SHISA9: variants seen among roughly 807,000 people sequenced by gnomAD.
SHISA9 encodes the protein shisa family member 9, also known as protein shisa-9.
A neutral mutation model predicts 38.0 loss-of-function variants in SHISA9; 13 were observed. The ratio of observed to expected loss-of-function variants is 0.34; its 90% CI spans 0.22 to 0.54. The LOEUF (loss-of-function observed/expected upper bound fraction) is 0.54. Ranked by LOEUF, SHISA9 falls within the 20% of genes least tolerant of loss-of-function variation. The pLI, the probability that SHISA9 is intolerant of heterozygous loss-of-function variation, is 0.91. For missense variants in SHISA9, 538 were observed against 575.8 expected, an observed-to-expected ratio of 0.93 and a Z score of 0.67; for synonymous variants, 275 against 242.0, an observed-to-expected ratio of 1.14 and a Z score of -1.27.
chr16:13,267,526 C>A, the SHISA9 span, among the ~76,000 whole-genome samples: 1 of 152,126 alleles, frequency 6.6e-6, no homozygotes, highest in Admixed American at 6.5e-5. Flanking sequence ...CTTCTTAATT[C>A]AACAATTCTA....
chr16:13,008,924 C>A (rs933702973), intron 2 of SHISA9, among the ~76,000 whole-genome samples: 1 of 151,806 alleles, frequency 6.6e-6, no homozygotes, highest in African/African-American at 2.4e-5. Context: ...ATAAATTATC[C>A]ATAAAACAGT....
chr16:13,217,841 C>G, intron 4 of SHISA9, among the ~76,000 whole-genome samples: 1 of 152,146 alleles, frequency 6.6e-6, no homozygotes. Flanking sequence ...ACCATCCTGG[C>G]TAACATGGAG....
chr16:12,954,777 T>A (rs1323568037), intron 2 of SHISA9, among the ~76,000 whole-genome samples: 1 of 152,210 alleles, frequency 6.6e-6, no homozygotes, highest in Admixed American at 6.5e-5. Context: ...TACACAGCCA[T>A]TAACCAGTGA....
rs185655845 is a variant in SHISA9 at position 13,144,020 on chromosome 16, G to A, written c.692-59374G>A. The stretch of plus-strand genomic sequence containing the variant: ...CAGTTGGTTAAATAGGGTACCATAT[G>A]TTTGGGAGGGGCATGGTCAATGTCT... On this transcript the variant is annotated intron_variant, in intron 2 of 4. Transcript: ENST00000558583. 2.4e-3 allele frequency among the ~76,000 whole-genome samples: 365 copies of A among 152,252 alleles called. 3 individuals are homozygous for A. Among genetic ancestry groups the A allele is most frequent in the Admixed American group, 0.021 (325 of 15,288 alleles).
At chr16:13,483,157 CAG>C in the SHISA9 span, among the ~76,000 whole-genome samples, 1 of 152,148 alleles carries the variant, frequency 6.6e-6, no homozygotes, top group Non-Finnish European at 1.5e-5. Flanking sequence ...GTGCCTGATA[CAG>C]GCTTGCAGAT....
At chr16:12,920,604 T>G (rs1596529814) in intron 2 of SHISA9, among the ~76,000 whole-genome samples, 1 of 152,184 alleles carries the variant, frequency 6.6e-6, no homozygotes, top group Admixed American at 6.5e-5. Flanking sequence ...AAACATCTCA[T>G]GTACCCTACA....
At chr16:13,122,298 T>C (rs1053004597) in intron 2 of SHISA9, among the ~76,000 whole-genome samples, 6 of 152,162 alleles carry the variant, frequency 3.9e-5, no homozygotes, top group East Asian at 1.9e-4. Context: ...TCTTCTGATA[T>C]CCCTTTAGGA....
chr16:13,150,030 TAA>T (rs35012437), intron 2 of SHISA9, among the ~76,000 whole-genome samples: 12,871 of 67,284 alleles, frequency 0.19, 875 homozygotes, highest in South Asian at 0.4. Context: ...TCCTCATCAT[TAA>T]AAAAAAAAAA....
chr16:13,104,608 G>T (rs748480704), intron 2 of SHISA9, among the ~76,000 whole-genome samples: 3 of 152,132 alleles, frequency 2.0e-5, no homozygotes, highest in African/African-American at 7.2e-5. Context: ...GTATAGGCTC[G>T]TGTTGCAGAA....
chr16:13,433,735 T>C, the SHISA9 span, among the ~76,000 whole-genome samples: 50 of 152,314 alleles, frequency 3.3e-4, no homozygotes, highest in African/African-American at 1.2e-3. Context: ...GATAGATTCA[T>C]AGAAGAGGTA....
At chr16:13,232,927 C>T (rs918844638) in intron 4 of SHISA9, among the ~76,000 whole-genome samples, 6 of 152,120 alleles carry the variant, frequency 3.9e-5, no homozygotes, top group East Asian at 1.9e-4. Flanking sequence ...AATCTCTTTA[C>T]GATTGGGAGG....
At chr16:13,273,486 C>T in the SHISA9 span, among the ~76,000 whole-genome samples, 1 of 152,174 alleles carries the variant, frequency 6.6e-6, no homozygotes. Context: ...CCAGCACAAG[C>T]TCTCTCTCTG....
the SHISA9 span, among the ~76,000 whole-genome samples, chr16:13,469,348 AAG>A: frequency 6.5e-5 from 8 of 122,710 alleles, no homozygotes; most frequent in Non-Finnish European, 1.2e-4. Context: ...GAAAGAAAGA[AAG>A]AAAGAAAGAA....
the SHISA9 span, among the ~76,000 whole-genome samples, chr16:13,456,341 A>G: frequency 6.6e-6 from 1 of 152,058 alleles, no homozygotes; most frequent in Non-Finnish European, 1.5e-5. Flanking sequence ...CACCTGCTGT[A>G]TTTCCCCATT....
chr16:13,469,565 G>T, the SHISA9 span, among the ~76,000 whole-genome samples: 1 of 152,136 alleles, frequency 6.6e-6, no homozygotes, highest in Admixed American at 6.5e-5. Context: ...ATAAAATCCA[G>T]TTCTGTGCTC....
chr16:13,381,364 C>A, the SHISA9 span, among the ~76,000 whole-genome samples: 1 of 152,264 alleles, frequency 6.6e-6, no homozygotes, highest in East Asian at 1.9e-4. Context: ...TTCTAGTGTT[C>A]TGTGGAGACT....
chr16:13,320,119 C>T, the SHISA9 span, among the ~76,000 whole-genome samples: 19 of 151,426 alleles, frequency 1.3e-4, no homozygotes, highest in African/African-American at 4.1e-4. Flanking sequence ...GGTGAAACCC[C>T]GTCTCTACTG....
the SHISA9 span, among the ~76,000 whole-genome samples, chr16:13,513,083 TG>T: frequency 3.3e-5 from 5 of 152,176 alleles, no homozygotes; most frequent in Non-Finnish European, 5.9e-5. Context: ...ACCTACAGAA[TG>T]GGAGAAATAT....
chr16:13,242,658 C>A (rs1364035376), downstream of SHISA9, among the ~76,000 whole-genome samples: 1 of 152,172 alleles, frequency 6.6e-6, no homozygotes, highest in Non-Finnish European at 1.5e-5. Context: ...TTGAAACTAT[C>A]CTTTCCTGCA....
Sources: gnomAD v4.1 joint callset for allele counts (sites outside exome capture counted in the v4.1 genomes callset) on GRCh38, gnomAD v4.1.1 for gene constraint, MANE v1.5 for transcripts, NCBI Gene and HGNC (gene_info 2026-07-23, HGNC 2026-07-21) for gene names.